The following AGBL5 variants were observed in gnomAD, a reference collection of about 807,000 sequenced individuals.
AGBL5 encodes cytosolic carboxypeptidase-like protein 5.
A neutral mutation model predicts 88.0 loss-of-function variants in AGBL5; 51 were observed. The ratio of observed to expected loss-of-function variants is 0.58; its 90% CI spans 0.46 to 0.73. The LOEUF is 0.73. Ranked by LOEUF, AGBL5 falls within the 30% of genes least tolerant of loss-of-function variation. The pLI is 0.00. For missense variants in AGBL5, 1,031 were observed against 1,162.2 expected, an observed-to-expected ratio of 0.89 and a Z score of 1.64; for synonymous variants, 446 against 438.8, an observed-to-expected ratio of 1.02 and a Z score of -0.21.
At chr2:27,054,132 T>A (rs1668312873) in intron 4 of AGBL5, 73 bp downstream of exon 4, 1 of 1,497,186 alleles carries the variant, frequency 6.7e-7, no homozygotes, top group African/African-American at 1.4e-5. Context: ...TGGAATTTGC[T>A]CTTAGAGCTC....
intron 11 of AGBL5, chr2:27,061,827 T>TA (rs1668731350): frequency 6.6e-6 from 1 of 151,992 alleles, no homozygotes. Flanking sequence ...TTTTTTTTTT[T>TA]ATTTGAGATA....
intron 13 of AGBL5, 169 bp from the exon 14 acceptor site, chr2:27,069,404 C>T: frequency 1.0e-6 from 1 of 985,388 alleles, no homozygotes; most frequent in Non-Finnish European, 1.2e-6. Flanking sequence ...GAATCCAGGA[C>T]TTCTCTGGCT....
At chr2:27,055,044 G>A (rs1668360096) in intron 5 of AGBL5, 31 bp from the exon 6 acceptor site, 1 of 1,604,906 alleles carries the variant, frequency 6.2e-7, no homozygotes, top group Non-Finnish European at 8.5e-7. Context: ...CAGGGTAACT[G>A]ACTTAATGTC....
chr2:27,070,368 G>A lies in AGBL5; in HGVS notation c.*105G>A. The A allele has an allele frequency of 8.0e-7, 1 of 1,257,180 alleles. No individual in the cohort carries two copies. Among genetic ancestry groups the A allele is most frequent in the Non-Finnish European group, 1.1e-6 (1 of 878,838 alleles). The allele number at this position is 1,257,180 out of a possible 1,614,324, so 77.9% of individuals were successfully genotyped here. ...GCTGATTCCATGTGACAGCCGTTAAGTCCTTGGAATGCCAGCCACGCTGTC... is the reference window on the plus strand; with the variant it reads ...GCTGATTCCATGTGACAGCCGTTAAATCCTTGGAATGCCAGCCACGCTGTC... On this transcript the variant is annotated 3_prime_UTR_variant, in exon 15 of 15. Transcript: ENST00000360131.
rs1415174554 is a variant in AGBL5, at chr2:27,053,237, C to T, written c.215+64C>T. 1 of 1,531,648 alleles carries T rather than the reference C, an allele frequency of 6.5e-7. No homozygotes were observed. Among genetic ancestry groups the T allele is most frequent in the Non-Finnish European group, 8.8e-7 (1 of 1,131,414 alleles). 94.9% of individuals were successfully genotyped at this position (1,531,648 alleles called of 1,614,324 possible). ...ACCCATGCTTCAGTTAGCCCTCTGACTTATCTGTTCATACCCAGCATACTC... is the reference window on the plus strand; with the variant it reads ...ACCCATGCTTCAGTTAGCCCTCTGATTTATCTGTTCATACCCAGCATACTC... On this transcript the variant is annotated intron_variant, in intron 2 of 14. Transcript: ENST00000360131. The surrounding 1 kb of genome is among the most constrained non-coding windows in gnomAD (Gnocchi z 4.9).
At chr2:27,060,316 G>A (rs1279939702) in intron 11 of AGBL5, among the ~76,000 whole-genome samples, 1 of 152,228 alleles carries the variant, frequency 6.6e-6, no homozygotes, top group Non-Finnish European at 1.5e-5. Context: ...TTTGCCTGAT[G>A]AGACCCTGCC....
chr2:27,069,633 G>A lies in AGBL5; in HGVS notation c.2416G>A (p.Gly806Ser), dbSNP rs1669179010. 6.2e-7 allele frequency: 1 copy of A among 1,614,054 alleles called. No homozygotes were observed. Among genetic ancestry groups the A allele is most frequent in the Admixed American group, 1.7e-5 (1 of 59,998 alleles). Residue 806 changes from glycine to serine, a missense_variant, in exon 14 of 15, where the codon GGC becomes AGC. This residue lies in a region of AGBL5 where 491 missense variants were observed against 484.0 expected (regional missense o/e 1.01). Coordinates refer to ENST00000360131, the MANE Select transcript of AGBL5 (RefSeq NM_021831.6). ...PTRRGMKGSSGPTSPTPRTRE... is the reference protein window; with the variant it reads ...PTRRGMKGSSSPTSPTPRTRE... ...TCGCAGAGGGATGAAAGGCTCTTCA[G>A]GCCCCACATCCCCTACCCCCCGGAC...
intron 10 of AGBL5, 84 bp from the exon 11 acceptor site, chr2:27,059,106 A>T: frequency 2.9e-6 from 4 of 1,357,508 alleles, no homozygotes; most frequent in Non-Finnish European, 4.1e-6. Context: ...CCAGAGGTGA[A>T]GCTTTACTGA....
In AGBL5 at chr2:27,055,373, G is replaced by A; in HGVS notation, c.908+120G>A. ...CCAGTCCTCTTGCACCCTAATAAAG[G>A]CAAGCCCATCTCATCTTCCTGAGAA... On this transcript the variant is annotated intron_variant, in intron 6 of 14. Coordinates refer to ENST00000360131, the MANE Select transcript of AGBL5 (RefSeq NM_021831.6). 3 of 1,328,836 alleles carry A rather than the reference G, an allele frequency of 2.3e-6. No homozygotes were observed. In the South Asian group the frequency reaches 4.2e-5, roughly 18 times the overall value. The allele number at this position is 1,328,836 out of a possible 1,614,324, so 82.3% of individuals were successfully genotyped here. A position where few individuals can be genotyped will look rare whatever the true frequency, so the allele number is the denominator to read the frequency against.
chr2:27,054,147 CCATA>C, intron 4 of AGBL5, 88 bp downstream of exon 4: 1 of 1,437,320 alleles, frequency 7.0e-7, no homozygotes, highest in Non-Finnish European at 9.4e-7. Flanking sequence ...GAGCTCTGAA[CCATA>C]CTTTCATCCG....
Position 27,069,692 on chromosome 2 carries a change from C to T in AGBL5, c.2475C>T (p.Cys825=), listed in dbSNP as rs372063170. ...RESSELELGS[C]SATPGLPQAR... is the part of the protein sequence containing the mutation. Reference sequence around the variant, plus strand: ...GCAGTGAGCTGGAGCTGGGATCCTGCTCTGCTACACCAGGGTGAGCACTTG... The same window carrying T: ...GCAGTGAGCTGGAGCTGGGATCCTGTTCTGCTACACCAGGGTGAGCACTTG... The change falls in exon 14 of 15, where the codon TGC becomes TGT. Residue 825 remains cysteine, a synonymous_variant. Coordinates refer to ENST00000360131, the MANE Select transcript of AGBL5 (RefSeq NM_021831.6). 66 of 1,613,974 alleles carry T rather than the reference C, an allele frequency of 4.1e-5. No individual in the cohort carries two copies. The highest frequency in any genetic ancestry group is 5.3e-5 in the Non-Finnish European group (62 of 1,179,992).
intron 11 of AGBL5, among the ~76,000 whole-genome samples, chr2:27,064,777 G>A (rs3820825): frequency 1.4e-5 from 1 of 73,436 alleles, no homozygotes; most frequent in Admixed American, 2.4e-4. Flanking sequence ...TTTTTTTTGA[G>A]ACAGTCTCAC....
At position 27,069,689 on chromosome 2, in the gene AGBL5, C is replaced by G; in HGVS notation, c.2472C>G (p.Ser824=). 2 of 1,614,106 alleles carry G rather than the reference C, an allele frequency of 1.2e-6. No homozygotes were observed. Among genetic ancestry groups the G allele is most frequent in the African/African-American group, 1.3e-5 (1 of 75,040 alleles). ...TRESSELELG[S]CSATPGLPQA... The stretch of plus-strand genomic sequence containing the variant: ...AGAGCAGTGAGCTGGAGCTGGGATC[C>G]TGCTCTGCTACACCAGGGTGAGCAC... The change falls in exon 14 of 15, where the codon TCC becomes TCG. Residue 824 remains serine, a synonymous_variant. Coordinates refer to ENST00000360131, the MANE Select transcript of AGBL5 (RefSeq NM_021831.6).
chr2:27,069,610 G>A lies in AGBL5; in HGVS notation c.2393G>A (p.Arg798His), dbSNP rs761565595. 1.6e-5 allele frequency: 26 copies of A among 1,614,048 alleles called. No homozygotes were observed. Among genetic ancestry groups the A allele is most frequent in the South Asian group, 1.5e-4 (14 of 91,088 alleles). Residue 798 changes from arginine (R) to histidine (H), a missense_variant, in exon 14 of 15, where the codon CGC (arginine) becomes CAC (histidine). Arg to His is a conservative substitution (Grantham distance 29). Around this residue, in one of 2 missense-constraint regions of AGBL5, gnomAD observed 491 missense variants for 484.0 expected, o/e 1.01. Transcript: ENST00000360131. ...PRLGRGSPPT[R>H]RGMKGSSGPT... ...TTGGGCCGGGGCTCACCGCCGACTC[G>A]CAGAGGGATGAAAGGCTCTTCAGGC...
chr2:27,058,656 A>G, intron 10 of AGBL5, 54 bp downstream of exon 10: 4 of 1,576,534 alleles, frequency 2.5e-6, no homozygotes, highest in Non-Finnish European at 3.5e-6. Flanking sequence ...ACAGGGCTCT[A>G]GAGCTAGGAG....
At chr2:27,063,594 C>CA (rs35412258) in intron 11 of AGBL5, among the ~76,000 whole-genome samples, 129,384 of 138,986 alleles carry the variant, frequency 0.93, 60,345 homozygotes, top group South Asian at 0.99. Flanking sequence ...GACTCCGTCT[C>CA]AAAAAAAAAA....
intron 9 of AGBL5, 22 bp from the exon 10 acceptor site, chr2:27,058,378 G>C: frequency 1.2e-6 from 2 of 1,612,412 alleles, no homozygotes; most frequent in Non-Finnish European, 1.7e-6. Flanking sequence ...AGCATGCTGA[G>C]CCAAACTGGA....
chr2:27,059,491 G>T, intron 11 of AGBL5, 87 bp downstream of exon 11: 1 of 1,584,878 alleles, frequency 6.3e-7, no homozygotes, highest in Non-Finnish European at 8.6e-7. Context: ...TATACTGTTG[G>T]CCCAGGACCA....
At chr2:27,069,850 A>AT (rs909854043) in intron 14 of AGBL5, 144 bp downstream of exon 14, 127 of 1,447,676 alleles carry the variant, frequency 8.8e-5, no homozygotes, top group Admixed American at 3.1e-4. Flanking sequence ...CTAGTCCCTG[A>AT]TTTTTTTTTC....
Sources: allele counts gnomAD v4.1 joint callset (sites outside exome capture counted in the v4.1 genomes callset), GRCh38; gene constraint gnomAD v4.1.1; regional missense constraint gnomAD v4.1.1; non-coding constraint Gnocchi (gnomAD v3.1); transcripts MANE v1.5; gene names NCBI Gene and HGNC (gene_info 2026-07-23, HGNC 2026-07-21).